Variants in PLCB1 observed in about 807,000 individuals in gnomAD.
The protein encoded by PLCB1 is 1-phosphatidylinositol 4,5-bisphosphate phosphodiesterase beta-1.
Under a neutral mutation model 161.8 loss-of-function variants are expected in PLCB1, and 46 were observed. That is an observed-to-expected ratio of 0.28 (90% CI 0.22 to 0.36). The LOEUF (loss-of-function observed/expected upper bound fraction) is 0.36. Ranked by LOEUF, PLCB1 falls within the 10% of genes least tolerant of loss-of-function variation. The pLI is 1.00. For synonymous variants in PLCB1, 517 were observed against 503.7 expected, an observed-to-expected ratio of 1.03 and a Z score of -0.35; for missense variants, 1,016 against 1,472.5, an observed-to-expected ratio of 0.69 and a Z score of 5.07.
intron 31 of PLCB1, among the ~76,000 whole-genome samples, chr20:8,803,501 A>G (rs1984384167): frequency 6.6e-6 from 1 of 151,428 alleles, no homozygotes; most frequent in Non-Finnish European, 1.5e-5. Context: ...TGTCAGAACA[A>G]AGTCACAACA....
chr20:8,212,744 T>C (rs1015942463), intron 2 of PLCB1, among the ~76,000 whole-genome samples: 1 of 152,106 alleles, frequency 6.6e-6, no homozygotes, highest in African/African-American at 2.4e-5. Context: ...TTTATTTGCC[T>C]CTCGAAGGAC....
chr20:8,623,216 C>A (rs1318084058), intron 3 of PLCB1, among the ~76,000 whole-genome samples: 1 of 152,080 alleles, frequency 6.6e-6, no homozygotes, highest in East Asian at 1.9e-4. Context: ...CCAAGAACAA[C>A]CAAACTTTTA....
rs540542759 is a variant in PLCB1, at chr20:8,253,416, C to G, written c.177+103045C>G. Among the ~76,000 whole-genome samples, 11 of 152,004 alleles carry G rather than the reference C, an allele frequency of 7.2e-5. No individual in the cohort carries two copies. In the South Asian group the frequency reaches 1.9e-3, roughly 26 times the overall value. On this transcript the variant is annotated intron_variant, in intron 2 of 31. Transcript: ENST00000338037. The stretch of plus-strand genomic sequence containing the variant: ...CTCTCTTCTGATCCATTGACCTACC[C>G]ATATACCAATACGAGACTGACATAT...
At position 8,463,187 on chromosome 20, in the gene PLCB1, G is replaced by GTGTGTC. The variant is rs1207041838; in HGVS notation, c.246+91738_246+91739insGTGTCT. The stretch of plus-strand genomic sequence containing the variant: ...TGTGTGTGTGTGTGTGTGTGTCTGT[G>GTGTGTC]TATGTGTGTGTGCTCCTGCATGCTT... On this transcript the variant is annotated intron_variant, in intron 3 of 31. Coordinates refer to ENST00000338037, the MANE Select transcript of PLCB1 (RefSeq NM_015192.4). 6.0e-5 allele frequency among the ~76,000 whole-genome samples: 9 copies of GTGTGTC among 150,776 alleles called. No individual in the cohort carries two copies. The East Asian group carries it at 1.4e-3, about 23-fold the overall frequency.
chr20:8,580,542 A>G (rs1439448536), intron 3 of PLCB1, among the ~76,000 whole-genome samples: 4 of 152,072 alleles, frequency 2.6e-5, no homozygotes, highest in African/African-American at 9.7e-5. Flanking sequence ...GGAAAAATAC[A>G]TGGCGTGTTT....
chr20:8,694,313 G>A (rs184327545), intron 10 of PLCB1, among the ~76,000 whole-genome samples: 1 of 152,220 alleles, frequency 6.6e-6, no homozygotes, highest in Non-Finnish European at 1.5e-5. Flanking sequence ...TGCTTTCTTT[G>A]GGAGGGTTCC....
At chr20:8,701,176 T>C (rs1219109653) in intron 11 of PLCB1, among the ~76,000 whole-genome samples, 2 of 152,156 alleles carry the variant, frequency 1.3e-5, no homozygotes, top group Non-Finnish European at 2.9e-5. Flanking sequence ...GTAAAGTGAC[T>C]TTGTAATAAG....
chr20:8,624,386 G>A (rs566741041), intron 3 of PLCB1, among the ~76,000 whole-genome samples: 12 of 152,206 alleles, frequency 7.9e-5, no homozygotes, highest in South Asian at 2.1e-4. Context: ...TCTTCTGCAC[G>A]AAAAATGTTT....
chr20:8,236,168 A>G (rs1980309234), intron 2 of PLCB1, among the ~76,000 whole-genome samples: 1 of 152,144 alleles, frequency 6.6e-6, no homozygotes, highest in African/African-American at 2.4e-5. Flanking sequence ...CAACTAATAT[A>G]GCACTCTATT....
At chr20:8,276,953 CT>C (rs1982586069) in intron 2 of PLCB1, among the ~76,000 whole-genome samples, 2 of 121,894 alleles carry the variant, frequency 1.6e-5, no homozygotes, top group Admixed American at 8.4e-5. Context: ...TCTTCTTCTT[CT>C]TCTTCTTCTT....
At chr20:8,141,240 A>G (rs1478347234) in intron 1 of PLCB1, among the ~76,000 whole-genome samples, 1 of 152,212 alleles carries the variant, frequency 6.6e-6, no homozygotes, top group Non-Finnish European at 1.5e-5. Flanking sequence ...TGTCTTCAAA[A>G]TAGCTCTTTT....
At chr20:8,455,131 C>T (rs1402513683) in intron 3 of PLCB1, among the ~76,000 whole-genome samples, 2 of 151,904 alleles carry the variant, frequency 1.3e-5, no homozygotes, top group African/African-American at 4.8e-5. Flanking sequence ...GAGTTCAAGA[C>T]AAGCCTGACC....
chr20:8,384,748 G>C (rs886534907), intron 3 of PLCB1, among the ~76,000 whole-genome samples: 3 of 152,158 alleles, frequency 2.0e-5, no homozygotes, highest in Non-Finnish European at 4.4e-5. Flanking sequence ...GTTGCTTTCT[G>C]TTTGTTTGTT....
At chr20:8,545,894 T>C (rs1985521039) in intron 3 of PLCB1, among the ~76,000 whole-genome samples, 1 of 152,202 alleles carries the variant, frequency 6.6e-6, no homozygotes, top group Non-Finnish European at 1.5e-5. Flanking sequence ...CAGTTTTACA[T>C]AGAGGGATTA....
At chr20:8,672,777 G>A (rs1315273892) in intron 9 of PLCB1, among the ~76,000 whole-genome samples, 2 of 152,066 alleles carry the variant, frequency 1.3e-5, no homozygotes, top group Non-Finnish European at 2.9e-5. Context: ...AGAAATTTCA[G>A]TTAAATGAGG....
intron 2 of PLCB1, among the ~76,000 whole-genome samples, chr20:8,261,155 C>T (rs1038667800): frequency 6.6e-6 from 1 of 152,086 alleles, no homozygotes; most frequent in African/African-American, 2.4e-5. Flanking sequence ...CTTCTGAGAG[C>T]ACTTCCTCAA....
At chr20:8,263,929 G>A (rs1329142472) in intron 2 of PLCB1, among the ~76,000 whole-genome samples, 1 of 151,948 alleles carries the variant, frequency 6.6e-6, no homozygotes, top group East Asian at 1.9e-4. Context: ...GTATACTTAG[G>A]CTAAAATAAA....
chr20:8,217,402 A>G (rs1217369356), intron 2 of PLCB1, among the ~76,000 whole-genome samples: 1 of 152,130 alleles, frequency 6.6e-6, no homozygotes. Context: ...TGAAGAAGAA[A>G]GAAAAGAGAT....
intron 2 of PLCB1, among the ~76,000 whole-genome samples, chr20:8,369,267 C>T (rs752918033): frequency 4.4e-4 from 67 of 152,170 alleles, no homozygotes; most frequent in Non-Finnish European, 8.4e-4. Context: ...TCAGTTCCTC[C>T]ATTGCCATCT....
Sources: allele counts gnomAD v4.1 joint callset (sites outside exome capture counted in the v4.1 genomes callset), GRCh38; gene constraint gnomAD v4.1.1; transcripts MANE v1.5; gene names NCBI Gene and HGNC (gene_info 2026-07-23, HGNC 2026-07-21).